The following LINGO2 variants were observed in gnomAD, a reference collection of about 807,000 sequenced individuals.
The protein encoded by LINGO2 is leucine-rich repeat and immunoglobulin-like domain-containing nogo receptor-interacting protein 2.
In LINGO2, 14 loss-of-function variants were observed where a neutral mutation model predicts 30.6. The observed-to-expected ratio is 0.46, with a 90% CI of 0.30 to 0.72. The LOEUF is 0.72. Ranked by LOEUF, LINGO2 falls within the 30% of genes least tolerant of loss-of-function variation. The pLI is 0.07. For synonymous variants in LINGO2, 317 were observed against 288.5 expected (o/e 1.10, Z -1.00); for missense variants, 729 against 751.7 (o/e 0.97, Z 0.35).
chr9:29,055,719 CA>C, the LINGO2 span, among the ~76,000 whole-genome samples: 1 of 152,128 alleles, frequency 6.6e-6, no homozygotes, highest in South Asian at 2.1e-4. Context: ...ACCTCCCTCC[CA>C]CCCTTTCACC....
intron 1 of LINGO2, among the ~76,000 whole-genome samples, chr9:28,556,397 T>C (rs1353570059): frequency 1.3e-5 from 2 of 152,044 alleles, no homozygotes; most frequent in African/African-American, 4.8e-5. Context: ...CCACTCACAA[T>C]TGCTTCAAAG....
At chr9:29,023,263 T>C in the LINGO2 span, among the ~76,000 whole-genome samples, 1 of 151,992 alleles carries the variant, frequency 6.6e-6, no homozygotes, top group Non-Finnish European at 1.5e-5. Context: ...CCAAAATGAG[T>C]TTTTGGAAAA....
At chr9:28,124,010 T>C (rs1283086341) in intron 4 of LINGO2, among the ~76,000 whole-genome samples, 1 of 152,132 alleles carries the variant, frequency 6.6e-6, no homozygotes, top group East Asian at 1.9e-4. Context: ...TTATATAATA[T>C]CCTAGGACTT....
the LINGO2 span, among the ~76,000 whole-genome samples, chr9:28,864,530 C>A: frequency 6.6e-6 from 1 of 152,096 alleles, no homozygotes; most frequent in Non-Finnish European, 1.5e-5. Flanking sequence ...ATCTATAAAT[C>A]TTCCCAGCCT....
intron 1 of LINGO2, among the ~76,000 whole-genome samples, chr9:28,644,701 T>C (rs932765497): frequency 6.6e-6 from 1 of 152,046 alleles, no homozygotes; most frequent in African/African-American, 2.4e-5. Context: ...TTGGACTGTT[T>C]GTAAAGCAAA....
At chr9:28,876,519 C>A in the LINGO2 span, among the ~76,000 whole-genome samples, 3 of 152,016 alleles carry the variant, frequency 2.0e-5, no homozygotes, top group African/African-American at 7.2e-5. Context: ...TTTGTCCTTG[C>A]TATACTTTAC....
chr9:29,089,594 C>T, the LINGO2 span, among the ~76,000 whole-genome samples: 1 of 151,910 alleles, frequency 6.6e-6, no homozygotes, highest in Non-Finnish European at 1.5e-5. Flanking sequence ...TATTTATTTC[C>T]CTAGTTTTTG....
chr9:29,051,481 T>C, the LINGO2 span, among the ~76,000 whole-genome samples: 2 of 152,186 alleles, frequency 1.3e-5, no homozygotes, highest in Non-Finnish European at 2.9e-5. Flanking sequence ...GAATTAAATG[T>C]CTTTTTAATT....
chr9:29,074,038 AT>A, the LINGO2 span, among the ~76,000 whole-genome samples: 35,786 of 151,860 alleles, frequency 0.24, 4,350 homozygotes, highest in East Asian at 0.41. Context: ...TCAAACTTTG[AT>A]TTTTTTCTAT....
chr9:28,024,016 G>A (rs1823259844), intron 4 of LINGO2, among the ~76,000 whole-genome samples: 2 of 152,110 alleles, frequency 1.3e-5, no homozygotes, highest in Non-Finnish European at 2.9e-5. Context: ...TGGGATAGCA[G>A]TTTGCTTTGT....
At chr9:29,055,096 G>C in the LINGO2 span, among the ~76,000 whole-genome samples, 1 of 152,032 alleles carries the variant, frequency 6.6e-6, no homozygotes, top group Admixed American at 6.6e-5. Flanking sequence ...GCGGGCACCT[G>C]TAGTCCCAGC....
In LINGO2 at chr9:28,555,374, T is replaced by C. The variant is rs1029911998; in HGVS notation, c.-364-79349A>G. 5.9e-4 allele frequency among the ~76,000 whole-genome samples: 89 copies of C among 149,640 alleles called. 1 individual carries two copies. The highest frequency in any genetic ancestry group is 2.1e-3 in the African/African-American group (85 of 40,400). On this transcript the variant is annotated intron_variant, in intron 1 of 5. Coordinates refer to ENST00000379992, the Ensembl canonical transcript of LINGO2. ...TCAGAGAATACTACAAACACCTCTA[T>C]GCAAATAAACTAGAAAATCTAGAAG... is the stretch of plus-strand genomic sequence containing the variant.
At chr9:28,154,472 T>G (rs940317253) in intron 4 of LINGO2, among the ~76,000 whole-genome samples, 1 of 152,080 alleles carries the variant, frequency 6.6e-6, no homozygotes, top group Non-Finnish European at 1.5e-5. Context: ...TGCCTATGAG[T>G]AGGTTTTTAT....
chr9:28,307,773 T>A (rs1824430594), intron 3 of LINGO2, among the ~76,000 whole-genome samples: 2 of 152,258 alleles, frequency 1.3e-5, no homozygotes, highest in South Asian at 4.1e-4. Flanking sequence ...ACAAGCATTC[T>A]TATACACCAA....
At chr9:29,041,473 T>C in the LINGO2 span, among the ~76,000 whole-genome samples, 1 of 151,978 alleles carries the variant, frequency 6.6e-6, no homozygotes, top group African/African-American at 2.4e-5. Context: ...CAGTGTGGTA[T>C]TGGTGGAAAT....
the LINGO2 span, among the ~76,000 whole-genome samples, chr9:28,829,804 C>T: frequency 9.2e-5 from 14 of 152,118 alleles, 1 homozygote; most frequent in East Asian, 9.7e-4. Flanking sequence ...GCAGGAGAGT[C>T]GCTTGAATTC....
intron 1 of LINGO2, among the ~76,000 whole-genome samples, chr9:28,618,180 G>C (rs1826225416): frequency 6.6e-6 from 1 of 152,168 alleles, no homozygotes; most frequent in East Asian, 1.9e-4. Context: ...AAATTCACAA[G>C]GCTAAAACAG....
At chr9:28,297,712 G>C (rs1160184859) in intron 3 of LINGO2, among the ~76,000 whole-genome samples, 2 of 152,160 alleles carry the variant, frequency 1.3e-5, no homozygotes, top group African/African-American at 4.8e-5. Flanking sequence ...TGATAGCTTT[G>C]TGTCACTCTT....
the LINGO2 span, among the ~76,000 whole-genome samples, chr9:29,054,458 A>G: frequency 6.6e-6 from 1 of 152,188 alleles, no homozygotes; most frequent in Admixed American, 6.5e-5. Flanking sequence ...TTTTATAAAT[A>G]TATTTCAAAG....
Sources: allele counts gnomAD v4.1 joint callset (sites outside exome capture counted in the v4.1 genomes callset), GRCh38; gene constraint gnomAD v4.1.1; transcripts MANE v1.5; gene names NCBI Gene and HGNC (gene_info 2026-07-23, HGNC 2026-07-21).